Variants in TMEM45A observed in about 807,000 individuals in gnomAD.
TMEM45A encodes the protein transmembrane protein 45A, also known as DNA polymerase-transactivated protein 4.
A neutral mutation model predicts 32.0 loss-of-function variants in TMEM45A; 25 were observed. The ratio of observed to expected loss-of-function variants is 0.78; its 90% confidence interval spans 0.57 to 1.09. TMEM45A has a LOEUF of 1.09. TMEM45A is among the 50% of genes least tolerant of loss of function. The probability of loss-of-function intolerance (pLI) is 0.00; values close to 1 mark genes in which losing one functional copy is unlikely to be tolerated. For synonymous variants in TMEM45A, 122 were observed against 114.8 expected (o/e 1.06, Z -0.40); for missense variants, 302 against 325.0 (o/e 0.93, Z 0.54).
intron 1 of TMEM45A, among the ~76,000 whole-genome samples, chr3:100,540,122 AT>A (rs762878658): frequency 2.6e-5 from 4 of 152,204 alleles, no homozygotes; most frequent in Non-Finnish European, 5.9e-5. Context: ...TTTCATTAAA[AT>A]TTAAAACTTC....
rs552601268 is a variant in TMEM45A, at chr3:100,546,052, G to A, written c.-3-9157G>A. Reference sequence around the variant, plus strand: ...TCAGAGTCACAGGAATCCATGGTTAGGAAGTGGTCAGAGATGGAACATTAC... The same window carrying A: ...TCAGAGTCACAGGAATCCATGGTTAAGAAGTGGTCAGAGATGGAACATTAC... On this transcript the variant is annotated intron_variant, in intron 1 of 5. Coordinates refer to ENST00000323523, the MANE Select transcript of TMEM45A (RefSeq NM_018004.3). Among the ~76,000 whole-genome samples, 313 of 152,338 alleles carry A rather than the reference G, an allele frequency of 2.1e-3. 2 individuals carry two copies. Among genetic ancestry groups the A allele is most frequent in the African/African-American group, 7.1e-3 (294 of 41,580 alleles).
intron 1 of TMEM45A, among the ~76,000 whole-genome samples, chr3:100,533,126 C>G (rs1705676371): frequency 6.6e-6 from 1 of 152,146 alleles, no homozygotes; most frequent in Non-Finnish European, 1.5e-5. Flanking sequence ...TCTCTCCCCT[C>G]CCTTCCTTCA....
chr3:100,551,206 G>A (rs1446560722), intron 1 of TMEM45A, among the ~76,000 whole-genome samples: 1 of 151,912 alleles, frequency 6.6e-6, no homozygotes, highest in African/African-American at 2.4e-5. Flanking sequence ...GTGGAGACGG[G>A]GTTTCGCCGT....
chr3:100,571,513 A>T (rs1706558818), intron 5 of TMEM45A: 1 of 152,220 alleles, frequency 6.6e-6, no homozygotes, highest in Non-Finnish European at 1.5e-5. Flanking sequence ...TACTTAAGAA[A>T]CATTCGATAC....
intron 1 of TMEM45A, among the ~76,000 whole-genome samples, chr3:100,507,793 T>C (rs1157795087): frequency 1.3e-5 from 2 of 151,942 alleles, no homozygotes; most frequent in African/African-American, 4.8e-5. Flanking sequence ...TTCTTTCAGA[T>C]CAGTATGGAC....
intron 1 of TMEM45A, among the ~76,000 whole-genome samples, chr3:100,523,199 T>C (rs1705469280): frequency 6.6e-6 from 1 of 152,234 alleles, no homozygotes; most frequent in Non-Finnish European, 1.5e-5. Context: ...GCAGGTGTCA[T>C]AGACGTTCTG....
At chr3:100,513,678 G>A (rs1225115485) in intron 1 of TMEM45A, among the ~76,000 whole-genome samples, 13 of 151,472 alleles carry the variant, frequency 8.6e-5, no homozygotes, top group Non-Finnish European at 1.5e-4. Flanking sequence ...AAAAGAGGAA[G>A]TCAAATTGTC....
intron 3 of TMEM45A, 94 bp downstream of exon 3, chr3:100,557,066 C>T: frequency 7.2e-7 from 1 of 1,382,134 alleles, no homozygotes; most frequent in Non-Finnish European, 1.0e-6. Context: ...CTTGTTGCAG[C>T]CTTGATTGAT....
chr3:100,572,536 C>G (rs1054890447), intron 5 of TMEM45A: 3 of 151,312 alleles, frequency 2.0e-5, no homozygotes, highest in African/African-American at 7.3e-5. Flanking sequence ...AAAATTTTCT[C>G]CCATTCTGTA....
chr3:100,519,819 G>A (rs1705400952), intron 1 of TMEM45A, among the ~76,000 whole-genome samples: 1 of 152,182 alleles, frequency 6.6e-6, no homozygotes, highest in South Asian at 2.1e-4. Flanking sequence ...TTTATGTTGG[G>A]ATCTAGCATT....
Position 100,577,080 on chromosome 3 carries a change from G to A in TMEM45A, c.*62G>A. 1 of 1,399,902 alleles carries A rather than the reference G, an allele frequency of 7.1e-7. No individual in the cohort carries two copies. Among genetic ancestry groups the A allele is most frequent in the Non-Finnish European group, 9.9e-7 (1 of 1,007,054 alleles). 86.7% of individuals were successfully genotyped at this position (1,399,902 alleles called of 1,614,324 possible). On this transcript the variant is annotated 3_prime_UTR_variant, in exon 6 of 6. Transcript: ENST00000323523. ...TCTTTTTTACATTGTTCTTGGTTTT[G>A]TTTCTCGATCTTTTGTTTGGAGAAC...
At chr3:100,548,836 T>C (rs1188118955) in intron 1 of TMEM45A, among the ~76,000 whole-genome samples, 1 of 152,238 alleles carries the variant, frequency 6.6e-6, no homozygotes, top group Non-Finnish European at 1.5e-5. Context: ...TGCTTTGCGC[T>C]GCACTGTTGA....
intron 1 of TMEM45A, among the ~76,000 whole-genome samples, chr3:100,528,844 CTA>C (rs1705595710): frequency 6.6e-6 from 1 of 152,098 alleles, no homozygotes; most frequent in African/African-American, 2.4e-5. Context: ...ATGCAGAACA[CTA>C]TGACAGAGCC....
chr3:100,550,176 C>T (rs1706065270), intron 1 of TMEM45A, among the ~76,000 whole-genome samples: 1 of 145,294 alleles, frequency 6.9e-6, no homozygotes, highest in Non-Finnish European at 1.5e-5. Context: ...GCACATGTAC[C>T]CTAAAACTTA....
intron 1 of TMEM45A, among the ~76,000 whole-genome samples, chr3:100,535,682 C>T (rs1705727880): frequency 6.6e-6 from 1 of 152,132 alleles, no homozygotes; most frequent in Non-Finnish European, 1.5e-5. Flanking sequence ...ATCATAAGTC[C>T]TTGGCCTCAT....
At chr3:100,512,971 T>A (rs1254751418) in intron 1 of TMEM45A, among the ~76,000 whole-genome samples, 3 of 150,408 alleles carry the variant, frequency 2.0e-5, no homozygotes, top group Non-Finnish European at 4.4e-5. Context: ...TCTGAAATTG[T>A]GGCAATAATC....
chr3:100,559,709 A>G (rs2148985951), intron 4 of TMEM45A, among the ~76,000 whole-genome samples: 2 of 152,282 alleles, frequency 1.3e-5, no homozygotes, highest in East Asian at 3.9e-4. Flanking sequence ...ATTTTAAAAG[A>G]GATGACTTCT....
At chr3:100,542,715 T>G (rs567399374) in intron 1 of TMEM45A, among the ~76,000 whole-genome samples, 1 of 152,288 alleles carries the variant, frequency 6.6e-6, no homozygotes, top group African/African-American at 2.4e-5. Context: ...TAAAAAGGAA[T>G]GAAAATCATG....
At chr3:100,525,136 T>A (rs190162974) in intron 1 of TMEM45A, among the ~76,000 whole-genome samples, 1 of 151,886 alleles carries the variant, frequency 6.6e-6, no homozygotes, top group East Asian at 1.9e-4. Context: ...TGCAGTGAGC[T>A]ATGACTGAGC....
Sources: allele counts gnomAD v4.1 joint callset (sites outside exome capture counted in the v4.1 genomes callset), GRCh38; gene constraint gnomAD v4.1.1; transcripts MANE v1.5; gene names NCBI Gene and HGNC (gene_info 2026-07-23, HGNC 2026-07-21).